RBFOX1: variants seen among roughly 807,000 people sequenced by gnomAD.
RBFOX1 encodes the protein RNA binding protein fox-1 homolog 1.
In RBFOX1, 8 loss-of-function variants were observed where a neutral mutation model predicts 57.7. That is an observed-to-expected ratio of 0.14 (90% CI 0.08 to 0.25). The LOEUF (loss-of-function observed/expected upper bound fraction) is 0.25, where lower values mean the gene tolerates loss of function less well. RBFOX1 is among the 10% of genes least tolerant of loss of function. The pLI is 1.00. For missense variants in RBFOX1, 611 were observed against 548.5 expected (o/e 1.11, Z -1.14); for synonymous variants, 326 against 222.4 (o/e 1.47, Z -4.15).
intron 4 of RBFOX1, among the ~76,000 whole-genome samples, chr16:7,366,294 A>G (rs2097445558): frequency 6.6e-6 from 1 of 152,242 alleles, no homozygotes; most frequent in Non-Finnish European, 1.5e-5. Flanking sequence ...AGAGAATGTC[A>G]CTTAGCCATT....
At chr16:6,660,783 C>T (rs2098696502) in intron 3 of RBFOX1, among the ~76,000 whole-genome samples, 1 of 152,066 alleles carries the variant, frequency 6.6e-6, no homozygotes, top group African/African-American at 2.4e-5. Flanking sequence ...TGCTGGTATC[C>T]ACACCTACAG....
At chr16:5,533,121 T>C (rs2044552648) in intron 2 of RBFOX1, among the ~76,000 whole-genome samples, 1 of 152,198 alleles carries the variant, frequency 6.6e-6, no homozygotes, top group Non-Finnish European at 1.5e-5. Flanking sequence ...GAAGGAGTTA[T>C]TCGTCATAAC....
At chr16:7,365,252 C>T (rs534364440) in intron 4 of RBFOX1, among the ~76,000 whole-genome samples, 1 of 152,148 alleles carries the variant, frequency 6.6e-6, no homozygotes, top group Non-Finnish European at 1.5e-5. Flanking sequence ...AGATGATACA[C>T]TCAATGGGGT....
chr16:7,147,070 C>T (rs113591594), intron 4 of RBFOX1, among the ~76,000 whole-genome samples: 1 of 52,582 alleles, frequency 1.9e-5, no homozygotes, highest in Non-Finnish European at 3.8e-5. Flanking sequence ...ACCTCTGCCT[C>T]CCAGGTTCAA....
intron 3 of RBFOX1, among the ~76,000 whole-genome samples, chr16:6,812,386 T>A (rs1264992497): frequency 2.6e-5 from 4 of 152,108 alleles, no homozygotes; most frequent in Non-Finnish European, 5.9e-5. Context: ...TTTTTTATTT[T>A]TTTTGAGACG....
At chr16:6,622,270 T>G (rs2098243931) in intron 2 of RBFOX1, among the ~76,000 whole-genome samples, 3 of 152,248 alleles carry the variant, frequency 2.0e-5, no homozygotes, top group Non-Finnish European at 4.4e-5. Context: ...ACTACATATA[T>G]GACTGTGGTC....
chr16:5,406,371 C>A (rs1188450257), intron 1 of RBFOX1, among the ~76,000 whole-genome samples: 1 of 152,094 alleles, frequency 6.6e-6, no homozygotes, highest in Non-Finnish European at 1.5e-5. Context: ...TTAGCTCTGA[C>A]TGCTTGAGCT....
At chr16:7,117,415 A>G (rs2066154317) in intron 4 of RBFOX1, among the ~76,000 whole-genome samples, 1 of 152,192 alleles carries the variant, frequency 6.6e-6, no homozygotes, top group Non-Finnish European at 1.5e-5. Context: ...ATGATTATTA[A>G]GAGTACAGCT....
At chr16:6,563,503 C>G (rs933925338) in intron 2 of RBFOX1, among the ~76,000 whole-genome samples, 7 of 152,164 alleles carry the variant, frequency 4.6e-5, no homozygotes, top group Non-Finnish European at 8.8e-5. Context: ...TACATCTACT[C>G]TACCTTGTCT....
At chr16:6,648,403 A>T (rs1486110532) in intron 2 of RBFOX1, among the ~76,000 whole-genome samples, 1 of 152,046 alleles carries the variant, frequency 6.6e-6, no homozygotes, top group East Asian at 1.9e-4. Flanking sequence ...CTCCACGTTG[A>T]CTAGGAAGTT....
chr16:5,370,249 T>C (rs1358864889), intron 1 of RBFOX1, among the ~76,000 whole-genome samples: 2 of 152,144 alleles, frequency 1.3e-5, no homozygotes, highest in Non-Finnish European at 2.9e-5. Flanking sequence ...GTTCTTGGCA[T>C]TGAAAGCACA....
chr16:5,652,333 C>A (rs1422606182), intron 3 of RBFOX1, among the ~76,000 whole-genome samples: 1 of 152,158 alleles, frequency 6.6e-6, no homozygotes, highest in Non-Finnish European at 1.5e-5. Context: ...CTAAGGTTAA[C>A]TAATATGCCC....
intron 1 of RBFOX1, among the ~76,000 whole-genome samples, chr16:5,283,665 T>A (rs1253529442): frequency 6.6e-6 from 1 of 152,232 alleles, no homozygotes; most frequent in Admixed American, 6.5e-5. Flanking sequence ...GCGTGGGGCC[T>A]GTAGCCCCTT....
intron 4 of RBFOX1, among the ~76,000 whole-genome samples, chr16:7,194,928 A>AC (rs888013023): frequency 1.3e-4 from 6 of 47,792 alleles, no homozygotes; most frequent in African/African-American, 3.7e-4. Context: ...ACCCTGTTTC[A>AC]CAAAAAAAAA....
intron 4 of RBFOX1, among the ~76,000 whole-genome samples, chr16:7,141,222 G>C (rs531458187): frequency 6.6e-6 from 1 of 152,306 alleles, no homozygotes; most frequent in East Asian, 1.9e-4. Context: ...GTGAGTGTTA[G>C]TGCTGGATCC....
At chr16:6,551,090 T>C (rs2096981330) in intron 2 of RBFOX1, among the ~76,000 whole-genome samples, 1 of 152,190 alleles carries the variant, frequency 6.6e-6, no homozygotes, top group Non-Finnish European at 1.5e-5. Context: ...TTTTATGTGA[T>C]AATGGCTCTG....
chr16:6,384,240 C>G (rs1170703781), intron 2 of RBFOX1, among the ~76,000 whole-genome samples: 1 of 152,084 alleles, frequency 6.6e-6, no homozygotes, highest in Non-Finnish European at 1.5e-5. Context: ...GAGTTGAGTG[C>G]TACCTCATTT....
intron 1 of RBFOX1, among the ~76,000 whole-genome samples, chr16:5,428,989 G>C (rs1000742019): frequency 1.5e-4 from 23 of 151,978 alleles, no homozygotes; most frequent in African/African-American, 5.1e-4. Context: ...ACAACCCTCC[G>C]ACCTGTGGCT....
chr16:5,971,571 T>C (rs1360510045), intron 4 of RBFOX1, among the ~76,000 whole-genome samples: 1 of 152,226 alleles, frequency 6.6e-6, no homozygotes, highest in Non-Finnish European at 1.5e-5. Context: ...AAAATCCTGC[T>C]AATGCACTAG....
Sources: gnomAD v4.1 joint callset for allele counts (sites outside exome capture counted in the v4.1 genomes callset) on GRCh38, gnomAD v4.1.1 for gene constraint, MANE v1.5 for transcripts, NCBI Gene and HGNC (gene_info 2026-07-23, HGNC 2026-07-21) for gene names.